TMEM44: variants seen among roughly 807,000 people sequenced by gnomAD.
TMEM44 encodes the protein transmembrane protein 44.
Under a neutral mutation model 47.8 loss-of-function variants are expected in TMEM44, and 43 were observed. The observed-to-expected ratio is 0.90, with a 90% CI of 0.70 to 1.16. The LOEUF is 1.16. Ranked by LOEUF, TMEM44 falls within the 50% of genes most tolerant of loss-of-function variation. The probability of loss-of-function intolerance (pLI) is 0.00; values close to 1 mark genes in which losing one functional copy is unlikely to be tolerated. For synonymous variants in TMEM44, 277 were observed against 238.8 expected, an observed-to-expected ratio of 1.16 and a Z score of -1.48; for missense variants, 568 against 555.2, an observed-to-expected ratio of 1.02 and a Z score of -0.23.
intron 9 of TMEM44, among the ~76,000 whole-genome samples, chr3:194,595,082 A>G (rs1373185332): frequency 6.6e-6 from 1 of 152,196 alleles, no homozygotes; most frequent in Non-Finnish European, 1.5e-5. Flanking sequence ...TTTTCAAAAA[A>G]CAAAGATCTA....
Position 194,591,467 on chromosome 3 carries a change from G to A in TMEM44, c.1177-2828C>T, listed in dbSNP as rs141054451. On this transcript the variant is annotated intron_variant, in intron 9 of 9. Coordinates refer to ENST00000347147, the MANE Select transcript of TMEM44 (RefSeq NM_001011655.3). ...CGAGATCACGCCACTGTACTCCAGC[G>A]TGGGCGACAAGAGTGAAATTCTGTC... 7.3e-3 allele frequency among the ~76,000 whole-genome samples: 1,110 copies of A among 152,022 alleles called. 12 individuals carry two copies. Among genetic ancestry groups the A allele is most frequent in the African/African-American group, 0.023 (946 of 41,354 alleles).
At position 194,617,211 on chromosome 3, in the gene TMEM44, G is replaced by C; in HGVS notation, c.671C>G (p.Ala224Gly). ...AATGGCCGAGGCATAGAGGAGGCCA[G>C]CCAGGGCCGACAGGAGCCGGGTCCA... ...HLWTRLLSALAGLLYASAIVA... is the reference protein window; with the variant it reads ...HLWTRLLSALGGLLYASAIVA... The change falls in exon 6 of 10, where the codon GCT (alanine) becomes GGT (glycine). Residue 224 changes from alanine (A) to glycine (G), a missense_variant. By Grantham distance (60) the Ala-to-Gly change is moderately conservative. Coordinates refer to ENST00000347147, the MANE Select transcript of TMEM44 (RefSeq NM_001011655.3). The C allele has an allele frequency of 6.4e-7, 1 of 1,552,398 alleles. No homozygotes were observed. Among genetic ancestry groups the C allele is most frequent in the Non-Finnish European group, 8.7e-7 (1 of 1,147,780 alleles).
intron 5 of TMEM44, chr3:194,617,474 T>A: frequency 1.5e-6 from 1 of 683,096 alleles, no homozygotes; most frequent in Non-Finnish European, 2.4e-6. Flanking sequence ...TGGCTTCAAC[T>A]TAACTCTGGG....
chr3:194,626,119 GAC>G (rs1717153859), intron 2 of TMEM44, 129 bp from the exon 3 acceptor site: 6 of 679,666 alleles, frequency 8.8e-6, no homozygotes, highest in Non-Finnish European at 1.6e-5. Flanking sequence ...CTCCTCCAGG[GAC>G]ACCTCCTGCC....
intron 2 of TMEM44, 84 bp from the exon 3 acceptor site, chr3:194,626,074 A>T: frequency 1.9e-6 from 2 of 1,054,246 alleles, no homozygotes; most frequent in South Asian, 2.6e-5. Flanking sequence ...ACCCTGTATC[A>T]CATGGGTTAC....
At chr3:194,608,653 C>T (rs1715005074) in intron 8 of TMEM44, among the ~76,000 whole-genome samples, 1 of 152,124 alleles carries the variant, frequency 6.6e-6, no homozygotes, top group Non-Finnish European at 1.5e-5. Flanking sequence ...TGTGAAAAAT[C>T]AGGAGGGAGA....
intron 8 of TMEM44, among the ~76,000 whole-genome samples, chr3:194,609,465 C>T (rs1008800901): frequency 2.0e-5 from 3 of 152,052 alleles, no homozygotes; most frequent in Non-Finnish European, 4.4e-5. Flanking sequence ...GGGCCACAGA[C>T]GCCAGGAGCA....
intron 9 of TMEM44, among the ~76,000 whole-genome samples, chr3:194,600,755 G>GA (rs1002882392): frequency 6.7e-6 from 1 of 148,604 alleles, no homozygotes; most frequent in Non-Finnish European, 1.5e-5. Context: ...GTCTCAAAAA[G>GA]AAAAAAAAGA....
At chr3:194,612,197 G>A (rs766856271) in intron 7 of TMEM44, among the ~76,000 whole-genome samples, 44 of 152,150 alleles carry the variant, frequency 2.9e-4, no homozygotes, top group Admixed American at 9.2e-4. Flanking sequence ...CTGAAGAACT[G>A]CTAGAGACTC....
intron 8 of TMEM44, among the ~76,000 whole-genome samples, chr3:194,604,809 G>A (rs774504978): frequency 1.3e-5 from 2 of 152,154 alleles, no homozygotes; most frequent in Admixed American, 1.3e-4. Context: ...AGCATTTCAG[G>A]TGTTCCCAGT....
At chr3:194,610,848 C>T in intron 8 of TMEM44, 68 bp downstream of exon 8, 1 of 1,386,466 alleles carries the variant, frequency 7.2e-7, no homozygotes. Context: ...GCATCACCTC[C>T]TCCAGGAAGC....
At chr3:194,589,108 T>G (rs1430054416) in intron 9 of TMEM44, 1 of 162,242 alleles carries the variant, frequency 6.2e-6, no homozygotes, top group Non-Finnish European at 1.3e-5. Flanking sequence ...CAAGCAATCC[T>G]CCTGCTTCAG....
chr3:194,607,066 T>G (rs1279028425), intron 8 of TMEM44, among the ~76,000 whole-genome samples: 1 of 152,162 alleles, frequency 6.6e-6, no homozygotes, highest in African/African-American at 2.4e-5. Context: ...GCGTGTCTCA[T>G]GTTGAAATGT....
chr3:194,599,394 G>A (rs1039060592), intron 9 of TMEM44, among the ~76,000 whole-genome samples: 1 of 152,094 alleles, frequency 6.6e-6, no homozygotes, highest in East Asian at 1.9e-4. Flanking sequence ...ACACCGCCTC[G>A]CCCACCTTCG....
chr3:194,597,115 C>T (rs1490219065), intron 9 of TMEM44: 1 of 152,630 alleles, frequency 6.6e-6, no homozygotes, highest in Non-Finnish European at 1.5e-5. Context: ...CACACGCACA[C>T]CCACACAGGA....
intron 9 of TMEM44, among the ~76,000 whole-genome samples, chr3:194,601,257 G>A (rs1714077884): frequency 6.6e-6 from 1 of 150,756 alleles, no homozygotes; most frequent in East Asian, 1.9e-4. Context: ...CGATTCTCCT[G>A]CCCAGTAGTA....
chr3:194,617,626 G>T, intron 5 of TMEM44: 1 of 703,320 alleles, frequency 1.4e-6, no homozygotes, highest in South Asian at 1.5e-5. Context: ...GGCTGGGCAG[G>T]GGTCCTCACC....
intron 8 of TMEM44, among the ~76,000 whole-genome samples, chr3:194,610,072 C>G (rs540375913): frequency 6.6e-6 from 1 of 151,960 alleles, no homozygotes; most frequent in South Asian, 2.1e-4. Flanking sequence ...AGTAAAAATA[C>G]AAAAATTAGC....
intron 9 of TMEM44, among the ~76,000 whole-genome samples, chr3:194,602,447 C>G (rs1158293791): frequency 6.6e-6 from 1 of 152,064 alleles, no homozygotes; most frequent in East Asian, 1.9e-4. Context: ...ACTAAAAATA[C>G]AAAAATTAGC....
Sources: allele counts gnomAD v4.1 joint callset (sites outside exome capture counted in the v4.1 genomes callset), GRCh38; gene constraint gnomAD v4.1.1; transcripts MANE v1.5; gene names NCBI Gene and HGNC (gene_info 2026-07-23, HGNC 2026-07-21).